SLC14A2: variants seen among roughly 807,000 people sequenced by gnomAD.
SLC14A2 encodes urea transporter 2.
SLC14A2 carries 91 observed loss-of-function variants against 104.6 expected under a neutral mutation model. The ratio of observed to expected loss-of-function variants is 0.87; its 90% CI spans 0.73 to 1.04. SLC14A2 has a LOEUF of 1.04. SLC14A2 is among the 50% of genes least tolerant of loss of function. The probability of loss-of-function intolerance (pLI) is 0.00; values close to 1 mark genes in which losing one functional copy is unlikely to be tolerated. For synonymous variants in SLC14A2, 476 were observed against 466.4 expected (o/e 1.02, Z -0.27); for missense variants, 1,189 against 1,156.0 (o/e 1.03, Z -0.41).
intron 2 of SLC14A2, among the ~76,000 whole-genome samples, chr18:45,564,591 T>C (rs890537138): frequency 3.9e-5 from 6 of 152,154 alleles, no homozygotes; most frequent in African/African-American, 1.4e-4. Context: ...GTTTTCAAAG[T>C]GGCAGCATCA....
intron 1 of SLC14A2, among the ~76,000 whole-genome samples, chr18:45,333,947 T>C (rs2085313773): frequency 6.6e-6 from 1 of 152,228 alleles, no homozygotes; most frequent in South Asian, 2.1e-4. Context: ...ATGAGAACTA[T>C]ATATAGTTTA....
Position 45,644,520 on chromosome 18 carries a change from A to G in SLC14A2, c.1351+360A>G, listed in dbSNP as rs549075939. ...TCTTAAACTAAATAATAGATGCTAT[A>G]AAATTAAACTTGTTGAGTGGTTCCT... On this transcript the variant is annotated intron_variant, in intron 10 of 19. Transcript: ENST00000255226. The G allele has an allele frequency of 1.1e-4, 20 of 175,144 alleles. No homozygotes were observed. In the South Asian group the frequency reaches 3.3e-3, roughly 29 times the overall value. 10.8% of individuals were successfully genotyped at this position (175,144 alleles called of 1,614,324 possible).
intron 6 of SLC14A2, among the ~76,000 whole-genome samples, chr18:45,637,639 C>T (rs563869284): frequency 2.9e-4 from 44 of 152,264 alleles, no homozygotes; most frequent in African/African-American, 1.0e-3. Context: ...TATACTCTCT[C>T]TCTTAGTGGT....
chr18:45,509,939 C>T (rs1435528072), intron 2 of SLC14A2, among the ~76,000 whole-genome samples: 3 of 152,190 alleles, frequency 2.0e-5, no homozygotes, highest in Non-Finnish European at 4.4e-5. Context: ...CCCATCCATC[C>T]TCTGCCTAAC....
At chr18:45,509,153 C>A (rs1367251893) in intron 2 of SLC14A2, among the ~76,000 whole-genome samples, 1 of 152,098 alleles carries the variant, frequency 6.6e-6, no homozygotes, top group Non-Finnish European at 1.5e-5. Context: ...TCATGGGATA[C>A]CTTGCCCAGT....
the SLC14A2 span, among the ~76,000 whole-genome samples, chr18:45,207,333 AAGGG>A: frequency 3.4e-5 from 5 of 147,772 alleles, no homozygotes; most frequent in African/African-American, 1.2e-4. Context: ...AGGGGGAAGA[AAGGG>A]AGAAAAGGAA....
At chr18:45,584,839 A>G (rs542413633) in intron 2 of SLC14A2, among the ~76,000 whole-genome samples, 1 of 152,348 alleles carries the variant, frequency 6.6e-6, no homozygotes, top group East Asian at 1.9e-4. Context: ...ATGTTTATGA[A>G]AATGCTGTGA....
intron 1 of SLC14A2, among the ~76,000 whole-genome samples, chr18:45,460,579 A>T (rs1425693104): frequency 1.3e-5 from 2 of 152,208 alleles, no homozygotes; most frequent in Non-Finnish European, 2.9e-5. Context: ...AGTTCACTCT[A>T]CCCAACAACA....
intron 1 of SLC14A2, among the ~76,000 whole-genome samples, chr18:45,450,276 A>G (rs1015944473): frequency 6.6e-6 from 1 of 152,156 alleles, no homozygotes; most frequent in Non-Finnish European, 1.5e-5. Flanking sequence ...TAAATTTGAC[A>G]TGGCCCTGTT....
chr18:45,637,005 T>C lies in SLC14A2; in HGVS notation c.666T>C (p.Ser222=). 1 of 1,614,024 alleles carries C rather than the reference T, an allele frequency of 6.2e-7. No homozygotes were observed. Among genetic ancestry groups the C allele is most frequent in the Non-Finnish European group, 8.5e-7 (1 of 1,179,902 alleles). Residue 222 remains serine, a synonymous_variant, in exon 6 of 20, where the codon AGT becomes AGC. Transcript: ENST00000255226. ...FTAMSCPVLS[S]ALNSIFSKWD... ...GCATCTTCAGCCCAGTTCTTTCTAG[T>C]GCCTTGAATTCCATCTTCAGCAAGT...
intron 1 of SLC14A2, among the ~76,000 whole-genome samples, chr18:45,263,820 A>G (rs1453222654): frequency 6.6e-6 from 1 of 152,120 alleles, no homozygotes; most frequent in African/African-American, 2.4e-5. Flanking sequence ...CCACTGCAAT[A>G]TGTTCCAGGA....
chr18:45,583,323 C>G (rs2044524055), intron 2 of SLC14A2, among the ~76,000 whole-genome samples: 1 of 152,172 alleles, frequency 6.6e-6, no homozygotes, highest in Admixed American at 6.5e-5. Context: ...CTCAAACAGC[C>G]CTTCCTCCCT....
Position 45,624,686 on chromosome 18 carries a change from C to T in SLC14A2, c.22C>T (p.Pro8Ser). 4 of 1,612,938 alleles carry T rather than the reference C, an allele frequency of 2.5e-6. No individual in the cohort carries two copies. The highest frequency in any genetic ancestry group is 3.4e-6 in the Non-Finnish European group (4 of 1,179,516). The change falls in exon 2 of 20, where the codon CCT becomes TCT. Residue 8 changes from proline (P) to serine (S), a missense_variant. Pro to Ser is a moderately conservative substitution (Grantham distance 74). Coordinates refer to ENST00000255226, the MANE Select transcript of SLC14A2 (RefSeq NM_007163.4). ...AGGAATGTCTGACCCCCACAGCAGT[C>T]CTCTCCTGCCAGAGCCACTTTCCAG... MSDPHSS[P>S]LLPEPLSSRY... is the part of the protein sequence containing the mutation.
At chr18:45,382,697 A>G (rs552219400) in intron 1 of SLC14A2, among the ~76,000 whole-genome samples, 4 of 152,236 alleles carry the variant, frequency 2.6e-5, no homozygotes, top group Admixed American at 6.5e-5. Flanking sequence ...AAGAACTTAG[A>G]AAACTTCTAG....
intron 1 of SLC14A2, among the ~76,000 whole-genome samples, chr18:45,231,356 C>G (rs1319785241): frequency 2.0e-5 from 3 of 152,014 alleles, no homozygotes; most frequent in Non-Finnish European, 4.4e-5. Context: ...GCATGCATCA[C>G]CATGCCTGGC....
At chr18:45,502,528 A>G (rs150244841) in intron 2 of SLC14A2, among the ~76,000 whole-genome samples, 163 of 152,296 alleles carry the variant, frequency 1.1e-3, no homozygotes, top group Non-Finnish European at 1.8e-4. Flanking sequence ...AAGGGTCACT[A>G]TATCCTCATA....
At chr18:45,631,812 G>T (rs534232379) in intron 4 of SLC14A2, among the ~76,000 whole-genome samples, 1 of 152,082 alleles carries the variant, frequency 6.6e-6, no homozygotes, top group South Asian at 2.1e-4. Context: ...GCAGAGATGG[G>T]GTTTCACCAT....
chr18:45,244,350 G>A (rs2084348130), intron 1 of SLC14A2, among the ~76,000 whole-genome samples: 1 of 152,078 alleles, frequency 6.6e-6, no homozygotes, highest in Non-Finnish European at 1.5e-5. Context: ...GGTGGTGCTG[G>A]GCGCAGTGGC....
intron 1 of SLC14A2, among the ~76,000 whole-genome samples, chr18:45,255,247 T>C (rs2084465024): frequency 6.6e-6 from 1 of 152,192 alleles, no homozygotes; most frequent in African/African-American, 2.4e-5. Context: ...TGCTGTTTTC[T>C]CTTCCTACTG....
Sources: allele counts gnomAD v4.1 joint callset (sites outside exome capture counted in the v4.1 genomes callset), GRCh38; gene constraint gnomAD v4.1.1; transcripts MANE v1.5; gene names NCBI Gene and HGNC (gene_info 2026-07-23, HGNC 2026-07-21).